SAMD5: variants seen among roughly 807,000 people sequenced by gnomAD.
SAMD5 encodes sterile alpha motif domain-containing protein 5.
SAMD5 carries 13 observed loss-of-function variants against 11.3 expected under a neutral mutation model. The ratio of observed to expected loss-of-function variants is 1.15; its 90% CI spans 0.75 to 1.83. SAMD5 has a LOEUF of 1.83. Among genes scored for constraint, SAMD5 ranks in the 40% most tolerant of loss-of-function variants. The pLI is 0.00. For missense variants in SAMD5, 255 were observed against 239.1 expected (o/e 1.07, Z -0.44); for synonymous variants, 129 against 111.3 (o/e 1.16, Z -1.00).
At chr6:147,826,132 C>T in the SAMD5 span, among the ~76,000 whole-genome samples, 1 of 152,182 alleles carries the variant, frequency 6.6e-6, no homozygotes, top group Non-Finnish European at 1.5e-5. Context: ...GAATATGCTA[C>T]GAGTCTCTTT....
At chr6:147,929,077 G>T in the SAMD5 span, among the ~76,000 whole-genome samples, 1 of 151,814 alleles carries the variant, frequency 6.6e-6, no homozygotes, top group Non-Finnish European at 1.5e-5. Context: ...TTTCATGGTA[G>T]TCTTTTAACT....
chr6:147,795,635 C>T, the SAMD5 span, among the ~76,000 whole-genome samples: 2 of 150,788 alleles, frequency 1.3e-5, no homozygotes, highest in East Asian at 3.9e-4. Flanking sequence ...CCTGAGGAAT[C>T]ACCACACTGT....
intron 1 of SAMD5, among the ~76,000 whole-genome samples, chr6:147,678,303 C>T (rs999652773): frequency 2.0e-5 from 3 of 152,224 alleles, no homozygotes; most frequent in East Asian, 1.9e-4. Flanking sequence ...TAAACTAACA[C>T]AGTCTCTCAT....
the SAMD5 span, among the ~76,000 whole-genome samples, chr6:147,751,353 C>A: frequency 4.6e-5 from 7 of 151,978 alleles, no homozygotes; most frequent in South Asian, 1.5e-3. Context: ...CCATCTGTCT[C>A]CCTAGTAAAA....
At chr6:147,841,599 G>A in the SAMD5 span, among the ~76,000 whole-genome samples, 14 of 152,282 alleles carry the variant, frequency 9.2e-5, no homozygotes, top group South Asian at 1.0e-3. Flanking sequence ...TTTTCCTGCC[G>A]TCTAACCTAT....
intron 1 of SAMD5, among the ~76,000 whole-genome samples, chr6:147,681,868 G>A (rs962460461): frequency 2.6e-5 from 4 of 152,162 alleles, no homozygotes; most frequent in African/African-American, 9.7e-5. Flanking sequence ...ACTCTGGCTG[G>A]TGGGAAAAGA....
intron 1 of SAMD5, among the ~76,000 whole-genome samples, chr6:147,586,471 G>T (rs999828516): frequency 3.3e-5 from 5 of 152,126 alleles, no homozygotes; most frequent in African/African-American, 1.2e-4. Context: ...TGATGTTCAT[G>T]TGAAACAGCT....
chr6:147,784,553 C>T, the SAMD5 span, among the ~76,000 whole-genome samples: 1 of 152,212 alleles, frequency 6.6e-6, no homozygotes, highest in Non-Finnish European at 1.5e-5. Context: ...ATATATTTTA[C>T]ATGAAACTGC....
At chr6:147,644,095 G>A (rs886206717) in intron 1 of SAMD5, among the ~76,000 whole-genome samples, 8 of 152,136 alleles carry the variant, frequency 5.3e-5, no homozygotes, top group African/African-American at 1.2e-4. Flanking sequence ...TTGGTGAAAT[G>A]TTTTACCTTC....
chr6:147,797,246 A>G, the SAMD5 span, among the ~76,000 whole-genome samples: 1 of 144,990 alleles, frequency 6.9e-6, no homozygotes, highest in Non-Finnish European at 1.5e-5. Context: ...CGTCCCATCA[A>G]TACCTAATTT....
chr6:147,941,646 C>T, the SAMD5 span, among the ~76,000 whole-genome samples: 1 of 152,046 alleles, frequency 6.6e-6, no homozygotes, highest in African/African-American at 2.4e-5. Context: ...TCAAAACAAC[C>T]TGTGTGTGAG....
At chr6:147,612,457 C>T (rs953091020) in intron 1 of SAMD5, among the ~76,000 whole-genome samples, 12 of 152,096 alleles carry the variant, frequency 7.9e-5, no homozygotes, top group African/African-American at 2.9e-4. Context: ...AAACCTAATT[C>T]CATTACTGCT....
chr6:147,766,301 C>T, the SAMD5 span, among the ~76,000 whole-genome samples: 2 of 151,920 alleles, frequency 1.3e-5, no homozygotes, highest in Non-Finnish European at 2.9e-5. Context: ...GAAAAATTCT[C>T]TCTAGATCAG....
chr6:147,755,431 T>C, the SAMD5 span, among the ~76,000 whole-genome samples: 1 of 152,152 alleles, frequency 6.6e-6, no homozygotes, highest in Non-Finnish European at 1.5e-5. Flanking sequence ...GAAGTTGTCA[T>C]ATATGGCAGC....
chr6:147,816,547 C>T, the SAMD5 span, among the ~76,000 whole-genome samples: 1 of 150,836 alleles, frequency 6.6e-6, no homozygotes, highest in Non-Finnish European at 1.5e-5. Flanking sequence ...GCAGATAGGC[C>T]AGTTATCTTA....
the SAMD5 span, among the ~76,000 whole-genome samples, chr6:147,789,449 T>C: frequency 6.6e-6 from 1 of 152,098 alleles, no homozygotes; most frequent in African/African-American, 2.4e-5. Flanking sequence ...TTGAGAGTTA[T>C]TTTTTAGGAG....
chr6:147,645,061 C>A (rs1790376747), intron 1 of SAMD5, among the ~76,000 whole-genome samples: 1 of 152,138 alleles, frequency 6.6e-6, no homozygotes, highest in African/African-American at 2.4e-5. Context: ...ATGCAGGATG[C>A]CCGCTTCTTA....
At chr6:147,739,062 C>T (rs952486945), downstream of SAMD5, among the ~76,000 whole-genome samples, 3 of 152,088 alleles carry the variant, frequency 2.0e-5, no homozygotes, top group African/African-American at 7.2e-5. Flanking sequence ...GGGAGATCAC[C>T]TGACCATTTA....
At chr6:147,935,597 A>C in the SAMD5 span, among the ~76,000 whole-genome samples, 4 of 149,280 alleles carry the variant, frequency 2.7e-5, no homozygotes, top group African/African-American at 1.0e-4. Context: ...TTTCAATATC[A>C]TGAATAAGGT....
Sources: gnomAD v4.1 joint callset for allele counts (sites outside exome capture counted in the v4.1 genomes callset) on GRCh38, gnomAD v4.1.1 for gene constraint, MANE v1.5 for transcripts, NCBI Gene and HGNC (gene_info 2026-07-23, HGNC 2026-07-21) for gene names.